The following CERS6 variants were observed in gnomAD, a reference collection of about 807,000 sequenced individuals.
CERS6 encodes the protein ceramide synthase 6, also known as LAG1 homolog, ceramide synthase 6.
A neutral mutation model predicts 56.8 loss-of-function variants in CERS6; 26 were observed. The observed-to-expected ratio is 0.46, with a 90% CI of 0.34 to 0.63. CERS6 has a LOEUF of 0.63. CERS6 is among the 30% of genes least tolerant of loss of function. CERS6 has a pLI of 0.01. For missense variants in CERS6, 415 were observed against 467.5 expected (o/e 0.89, Z 1.04); for synonymous variants, 164 against 173.3 (o/e 0.95, Z 0.42).
At chr2:168,583,545 G>T (rs1351547902) in intron 3 of CERS6, among the ~76,000 whole-genome samples, 3 of 152,192 alleles carry the variant, frequency 2.0e-5, no homozygotes, top group Non-Finnish European at 4.4e-5. Flanking sequence ...CAGGCCTCTT[G>T]GGTGGCCTCC....
At chr2:168,498,517 G>A (rs1694515866) in intron 1 of CERS6, among the ~76,000 whole-genome samples, 1 of 152,186 alleles carries the variant, frequency 6.6e-6, no homozygotes, top group Non-Finnish European at 1.5e-5. Flanking sequence ...CAGGTTATGG[G>A]GGAGCTATGA....
At chr2:168,511,254 A>G (rs1439462329) in intron 1 of CERS6, among the ~76,000 whole-genome samples, 1 of 152,190 alleles carries the variant, frequency 6.6e-6, no homozygotes, top group Non-Finnish European at 1.5e-5. Flanking sequence ...ACATCTGTAA[A>G]TAACTTCCTG....
rs142867333 is a variant in CERS6 at position 168,670,174 on chromosome 2, T to C, written c.466-20860T>C. 8.7e-3 allele frequency among the ~76,000 whole-genome samples: 1,322 copies of C among 152,340 alleles called. 16 individuals are homozygous for C. Among genetic ancestry groups the C allele is most frequent in the Middle Eastern group, 0.024 (7 of 294 alleles). On this transcript the variant is annotated intron_variant, in intron 4 of 9. Coordinates refer to ENST00000305747, the MANE Select transcript of CERS6 (RefSeq NM_203463.3). ...ATGGATAATCACCATGGCTATCTTA[T>C]AGAGCAGAGAATTGAAATAGAAAAT...
intron 4 of CERS6, among the ~76,000 whole-genome samples, chr2:168,644,578 T>C (rs1221923915): frequency 3.3e-5 from 5 of 152,176 alleles, no homozygotes; most frequent in African/African-American, 1.2e-4. Flanking sequence ...GCAGCAGCCA[T>C]GCTCCTTGTT....
intron 4 of CERS6, among the ~76,000 whole-genome samples, chr2:168,656,912 G>A (rs555088874): frequency 6.6e-6 from 1 of 152,264 alleles, no homozygotes; most frequent in Admixed American, 6.5e-5. Context: ...CATCAGATTA[G>A]TTAGATACAG....
At chr2:168,752,279 ATGTG>A (rs397870530) in intron 8 of CERS6, among the ~76,000 whole-genome samples, 2,813 of 132,616 alleles carry the variant, frequency 0.021, 58 homozygotes, top group African/African-American at 0.057. Flanking sequence ...AAAAAAATAA[ATGTG>A]TGTGTGTGTG....
intron 9 of CERS6, among the ~76,000 whole-genome samples, chr2:168,766,978 G>A (rs1220306498): frequency 6.6e-6 from 1 of 152,160 alleles, no homozygotes; most frequent in African/African-American, 2.4e-5. Context: ...TCTTTGTAAT[G>A]AACATGTATT....
At chr2:168,657,527 C>A (rs1009439501) in intron 4 of CERS6, among the ~76,000 whole-genome samples, 9 of 152,246 alleles carry the variant, frequency 5.9e-5, no homozygotes, top group Admixed American at 1.3e-4. Context: ...ACACAGGAGC[C>A]CATGGAGTGG....
intron 4 of CERS6, among the ~76,000 whole-genome samples, chr2:168,689,750 C>T (rs992276465): frequency 2.0e-5 from 3 of 151,912 alleles, no homozygotes; most frequent in African/African-American, 4.8e-5. Context: ...ATTAAGATCT[C>T]GGAAAGAAAA....
At chr2:168,581,886 C>T (rs148663912) in intron 3 of CERS6, among the ~76,000 whole-genome samples, 60 of 152,276 alleles carry the variant, frequency 3.9e-4, no homozygotes, top group African/African-American at 1.4e-3. Flanking sequence ...GATGATGATT[C>T]TCTCAGAGAG....
At chr2:168,705,336 A>C (rs1298262692) in intron 6 of CERS6, among the ~76,000 whole-genome samples, 1 of 152,174 alleles carries the variant, frequency 6.6e-6, no homozygotes, top group African/African-American at 2.4e-5. Context: ...CAGGAGCCAA[A>C]AGAGGAGAAA....
intron 3 of CERS6, among the ~76,000 whole-genome samples, chr2:168,569,357 A>C (rs1695940178): frequency 6.6e-6 from 1 of 152,236 alleles, no homozygotes; most frequent in Non-Finnish European, 1.5e-5. Flanking sequence ...TTCTGGGGGC[A>C]CACAATTCAG....
chr2:168,618,919 C>T (rs1684391352), intron 3 of CERS6, among the ~76,000 whole-genome samples: 1 of 152,012 alleles, frequency 6.6e-6, no homozygotes, highest in Non-Finnish European at 1.5e-5. Flanking sequence ...CCTACATAGC[C>T]AAAGCAAGAC....
intron 8 of CERS6, among the ~76,000 whole-genome samples, chr2:168,747,554 G>T (rs1191458353): frequency 6.6e-6 from 1 of 151,998 alleles, no homozygotes; most frequent in Non-Finnish European, 1.5e-5. Context: ...AGATATTCTG[G>T]ATATATATAG....
At chr2:168,612,197 A>G (rs1684205424) in intron 3 of CERS6, among the ~76,000 whole-genome samples, 1 of 152,228 alleles carries the variant, frequency 6.6e-6, no homozygotes, top group South Asian at 2.1e-4. Context: ...CCCAGGATCA[A>G]ACAGACTGTG....
chr2:168,549,408 G>A (rs936927492), intron 2 of CERS6, among the ~76,000 whole-genome samples: 9 of 152,018 alleles, frequency 5.9e-5, no homozygotes, highest in Non-Finnish European at 1.2e-4. Flanking sequence ...AGGCTGAGGC[G>A]GGCAGATCAT....
intron 8 of CERS6, among the ~76,000 whole-genome samples, chr2:168,748,354 A>G (rs1235719701): frequency 6.6e-6 from 1 of 152,236 alleles, no homozygotes; most frequent in Non-Finnish European, 1.5e-5. Flanking sequence ...TGGAAACACA[A>G]GAGAGTGCCT....
At chr2:168,584,778 A>G (rs1319849144) in intron 3 of CERS6, among the ~76,000 whole-genome samples, 1 of 152,252 alleles carries the variant, frequency 6.6e-6, no homozygotes, top group African/African-American at 2.4e-5. Flanking sequence ...AACTCTAGAC[A>G]TCAACAAACA....
At chr2:168,744,979 G>C (rs1190323744) in intron 8 of CERS6, among the ~76,000 whole-genome samples, 2 of 152,188 alleles carry the variant, frequency 1.3e-5, no homozygotes, top group Non-Finnish European at 2.9e-5. Context: ...TATGTGGCAA[G>C]CGGCATTGCT....
Sources: allele counts gnomAD v4.1 joint callset (sites outside exome capture counted in the v4.1 genomes callset), GRCh38; gene constraint gnomAD v4.1.1; transcripts MANE v1.5; gene names NCBI Gene and HGNC (gene_info 2026-07-23, HGNC 2026-07-21).